Variants in DCC observed in about 807,000 individuals in gnomAD.
DCC encodes DCC netrin 1 receptor.
Under a neutral mutation model 172.5 loss-of-function variants are expected in DCC, and 58 were observed. The ratio of observed to expected loss-of-function variants is 0.34; its 90% CI spans 0.27 to 0.42. The LOEUF (loss-of-function observed/expected upper bound fraction) is 0.42, where lower values mean the gene tolerates loss of function less well. Ranked by LOEUF, DCC falls within the 10% of genes least tolerant of loss-of-function variation. DCC has a pLI of 1.00. For missense variants in DCC, 1,740 were observed against 1,791.0 expected (o/e 0.97, Z 0.51); for synonymous variants, 709 against 644.5 (o/e 1.10, Z -1.52).
chr18:52,417,186 T>G (rs887587950), intron 1 of DCC, among the ~76,000 whole-genome samples: 1 of 152,174 alleles, frequency 6.6e-6, no homozygotes, highest in Non-Finnish European at 1.5e-5. Flanking sequence ...TCTTTAAGAA[T>G]GTTGAATATT....
intron 1 of DCC, among the ~76,000 whole-genome samples, chr18:52,436,082 T>G (rs1353114509): frequency 6.6e-6 from 1 of 152,228 alleles, no homozygotes; most frequent in Non-Finnish European, 1.5e-5. Context: ...ATCTTAGTTT[T>G]AATTCAACCA....
chr18:52,423,612 A>C (rs754413219), intron 1 of DCC, among the ~76,000 whole-genome samples: 1 of 152,072 alleles, frequency 6.6e-6, no homozygotes, highest in Non-Finnish European at 1.5e-5. Flanking sequence ...AGCAAATTCT[A>C]GTCAAAAAAT....
At chr18:53,431,486 G>A (rs1322300392) in intron 21 of DCC, among the ~76,000 whole-genome samples, 1 of 149,036 alleles carries the variant, frequency 6.7e-6, no homozygotes, top group East Asian at 2.0e-4. Context: ...TGTTGTTGTT[G>A]TTGTTGTTGT....
At chr18:53,166,869 T>C (rs1208055224) in intron 8 of DCC, among the ~76,000 whole-genome samples, 1 of 152,170 alleles carries the variant, frequency 6.6e-6, no homozygotes, top group Non-Finnish European at 1.5e-5. Flanking sequence ...TTTCCAAACC[T>C]ATGGTTTTAG....
At chr18:53,169,576 GAGA>G (rs1568343463) in intron 8 of DCC, among the ~76,000 whole-genome samples, 1 of 152,130 alleles carries the variant, frequency 6.6e-6, no homozygotes, top group Non-Finnish European at 1.5e-5. Flanking sequence ...GAATGAAGTG[GAGA>G]AGATTTGTCT....
chr18:53,083,479 C>T (rs2042834753), intron 7 of DCC, among the ~76,000 whole-genome samples: 11 of 152,128 alleles, frequency 7.2e-5, no homozygotes, highest in Admixed American at 7.2e-4. Flanking sequence ...TGTGAGACCC[C>T]TTTTTGTTGA....
chr18:53,175,129 C>A (rs2144461413), intron 8 of DCC, among the ~76,000 whole-genome samples: 1 of 152,238 alleles, frequency 6.6e-6, no homozygotes, highest in East Asian at 1.9e-4. Context: ...TTCAAGAACC[C>A]TTCATGCTAA....
At chr18:53,233,574 T>C (rs1341505936) in intron 12 of DCC, among the ~76,000 whole-genome samples, 1 of 152,166 alleles carries the variant, frequency 6.6e-6, no homozygotes. Flanking sequence ...ATAACAAAAA[T>C]GAGTGATAAA....
At chr18:52,886,158 A>G (rs1274872494) in intron 2 of DCC, among the ~76,000 whole-genome samples, 1 of 152,006 alleles carries the variant, frequency 6.6e-6, no homozygotes, top group Non-Finnish European at 1.5e-5. Context: ...TAGCCTCCCC[A>G]TCTGGTATCT....
At position 52,935,061 on chromosome 18, in the gene DCC, G is replaced by A. The variant is rs544103918; in HGVS notation, c.985+9691G>A. ...AACAATCACTAAAAATAGAACAACT[G>A]CTAAAAAGATTCTTTGGTCTTTTTT... On this transcript the variant is annotated intron_variant, in intron 5 of 28. Transcript: ENST00000442544. 8.5e-5 allele frequency among the ~76,000 whole-genome samples: 13 copies of A among 152,252 alleles called. No individual in the cohort carries two copies. The South Asian group carries it at 2.7e-3, about 32-fold the overall frequency.
At chr18:52,859,076 C>A (rs748718429) in intron 2 of DCC, among the ~76,000 whole-genome samples, 26 of 151,876 alleles carry the variant, frequency 1.7e-4, no homozygotes, top group African/African-American at 6.0e-4. Flanking sequence ...GCCAAGATGA[C>A]AATTACTTGA....
At chr18:52,898,369 C>G (rs1424029777) in intron 2 of DCC, among the ~76,000 whole-genome samples, 1 of 152,174 alleles carries the variant, frequency 6.6e-6, no homozygotes, top group African/African-American at 2.4e-5. Flanking sequence ...CAGGCCCATT[C>G]TGGGGGTGTG....
At chr18:53,215,350 C>T (rs1180999275) in intron 11 of DCC, among the ~76,000 whole-genome samples, 198 bp from the exon 12 acceptor site, 1 of 134,222 alleles carries the variant, frequency 7.5e-6, no homozygotes, top group East Asian at 1.9e-4. Flanking sequence ...AACTGGCTAG[C>T]GAAATGAGAA....
At chr18:52,764,940 T>C (rs1013539262) in intron 2 of DCC, among the ~76,000 whole-genome samples, 3 of 152,138 alleles carry the variant, frequency 2.0e-5, no homozygotes, top group Non-Finnish European at 2.9e-5. Flanking sequence ...CAGCATACCA[T>C]AGAAGAATGA....
intron 1 of DCC, among the ~76,000 whole-genome samples, chr18:52,614,180 G>A (rs1283522570): frequency 2.0e-5 from 3 of 152,088 alleles, no homozygotes; most frequent in African/African-American, 7.2e-5. Context: ...TGTGTTTAAT[G>A]CATATAATTT....
In DCC at chr18:52,677,561, G is replaced by A. The variant is rs373990118; in HGVS notation, c.92-74493G>A. ...CCCATAAATACATTCATCCTGCTCA[G>A]TTTTCACAAACTGAACTCATCTCTT... is the stretch of plus-strand genomic sequence containing the variant. On this transcript the variant is annotated intron_variant, in intron 1 of 28. Transcript: ENST00000442544. Among the ~76,000 whole-genome samples the A allele has an allele frequency of 4.6e-5, 7 of 152,032 alleles. No individual in the cohort carries two copies. In the East Asian group the frequency reaches 7.7e-4, roughly 17 times the overall value.
At chr18:53,061,088 G>A (rs571126201) in intron 5 of DCC, among the ~76,000 whole-genome samples, 1 of 152,184 alleles carries the variant, frequency 6.6e-6, no homozygotes, top group African/African-American at 2.4e-5. Context: ...ATGCAATTAT[G>A]CACTGTTATT....
intron 1 of DCC, among the ~76,000 whole-genome samples, chr18:52,638,522 G>A (rs1255774348): frequency 1.3e-5 from 2 of 152,044 alleles, no homozygotes; most frequent in Middle Eastern, 3.4e-3. Context: ...CACCAAAAGC[G>A]AGCTATTTTT....
At chr18:52,638,914 C>A (rs2034836769) in intron 1 of DCC, among the ~76,000 whole-genome samples, 1 of 152,092 alleles carries the variant, frequency 6.6e-6, no homozygotes, top group Non-Finnish European at 1.5e-5. Flanking sequence ...TTCTATTTAA[C>A]AATGCATGGA....
Sources: gnomAD v4.1 joint callset for allele counts (sites outside exome capture counted in the v4.1 genomes callset) on GRCh38, gnomAD v4.1.1 for gene constraint, MANE v1.5 for transcripts, NCBI Gene and HGNC (gene_info 2026-07-23, HGNC 2026-07-21) for gene names.